The following DIP2C variants were observed in gnomAD, a reference collection of about 807,000 sequenced individuals.
DIP2C encodes the protein disco-interacting protein 2 homolog C.
In DIP2C, 33 loss-of-function variants were observed where a neutral mutation model predicts 192.4. The observed-to-expected ratio is 0.17, with a 90% CI of 0.13 to 0.23. DIP2C has a LOEUF of 0.23. Among genes scored for constraint, DIP2C ranks in the 10% least tolerant of loss-of-function variants. The probability of loss-of-function intolerance (pLI) is 1.00; values close to 1 mark genes in which losing one functional copy is unlikely to be tolerated. For synonymous variants in DIP2C, 979 were observed against 864.1 expected, an observed-to-expected ratio of 1.13 and a Z score of -2.33; for missense variants, 1,537 against 2,110.1, an observed-to-expected ratio of 0.73 and a Z score of 5.32.
At chr10:302,398 T>G (rs1359445358) in intron 32 of DIP2C, among the ~76,000 whole-genome samples, 1 of 152,136 alleles carries the variant, frequency 6.6e-6, no homozygotes, top group Non-Finnish European at 1.5e-5. Context: ...ACCTGTTAAA[T>G]TCATTGCAGC....
chr10:381,198 G>A (rs1312270410), intron 17 of DIP2C, among the ~76,000 whole-genome samples: 1 of 152,058 alleles, frequency 6.6e-6, no homozygotes, highest in Admixed American at 6.5e-5. Context: ...AACTGCAATG[G>A]CCAATTATAC....
At chr10:485,923 C>A (rs566424567) in intron 2 of DIP2C, among the ~76,000 whole-genome samples, 2 of 152,326 alleles carry the variant, frequency 1.3e-5, no homozygotes, top group East Asian at 3.9e-4. Flanking sequence ...GAACCCAGCT[C>A]AAGTGCAGGA....
chr10:683,349 C>T (rs536920441), intron 1 of DIP2C, among the ~76,000 whole-genome samples: 1 of 152,334 alleles, frequency 6.6e-6, no homozygotes, highest in African/African-American at 2.4e-5. Context: ...CCTTAAAGGG[C>T]ACTGTTTATG....
intron 3 of DIP2C, among the ~76,000 whole-genome samples, chr10:471,620 C>T (rs951547486): frequency 3.3e-5 from 5 of 152,196 alleles, no homozygotes; most frequent in African/African-American, 9.7e-5. Flanking sequence ...CACCAGCGAT[C>T]GCCCCTACCC....
rs370165814 is a variant in DIP2C at position 417,998 on chromosome 10, G to A, written c.739+1067C>T. Among the ~76,000 whole-genome samples, 507 of 87,720 alleles carry A rather than the reference G, an allele frequency of 5.8e-3. 19 individuals carry two copies. The highest frequency in any genetic ancestry group is 7.2e-3 in the Non-Finnish European group (305 of 42,154). The allele number at this position is 87,720 out of a possible 152,430, so 57.5% of individuals were successfully genotyped here. On this transcript the variant is annotated intron_variant, in intron 6 of 36. Coordinates refer to ENST00000280886, the MANE Select transcript of DIP2C (RefSeq NM_014974.3). ...CTCGGATAGGCCTCCCTGTCCACCTGCACCTGTCAGGGCGCGGACAGGCCT... is the reference window on the plus strand; with the variant it reads ...CTCGGATAGGCCTCCCTGTCCACCTACACCTGTCAGGGCGCGGACAGGCCT...
At chr10:329,650 GCTC>G (rs746885782) in intron 29 of DIP2C, 49 bp from the exon 30 acceptor site, 7 of 1,567,216 alleles carry the variant, frequency 4.5e-6, no homozygotes, top group African/African-American at 1.4e-5. Flanking sequence ...CAAGGCTGGA[GCTC>G]AGCAAGGCTG....
At chr10:525,568 T>C (rs1847001079) in intron 1 of DIP2C, among the ~76,000 whole-genome samples, 1 of 152,252 alleles carries the variant, frequency 6.6e-6, no homozygotes, top group African/African-American at 2.4e-5. Flanking sequence ...ATTCTGAATA[T>C]GATCTTGGCT....
At chr10:426,260 TAA>T (rs1294774030) in intron 4 of DIP2C, among the ~76,000 whole-genome samples, 2 of 152,092 alleles carry the variant, frequency 1.3e-5, no homozygotes, top group Non-Finnish European at 2.9e-5. Context: ...ATCAAAAACA[TAA>T]AACACTCAGC....
intron 32 of DIP2C, among the ~76,000 whole-genome samples, chr10:293,174 T>G (rs1170523601): frequency 6.6e-6 from 1 of 152,170 alleles, no homozygotes; most frequent in Non-Finnish European, 1.5e-5. Context: ...ACACCACTAC[T>G]CAGCACTGGC....
At chr10:361,876 T>C (rs1026505840) in intron 22 of DIP2C, among the ~76,000 whole-genome samples, 2 of 151,870 alleles carry the variant, frequency 1.3e-5, no homozygotes, top group African/African-American at 2.4e-5. Context: ...TGTGGTGAAA[T>C]GGATACTGTT....
chr10:603,315 A>C (rs1564255302), intron 1 of DIP2C, among the ~76,000 whole-genome samples: 1 of 135,304 alleles, frequency 7.4e-6, no homozygotes, highest in Admixed American at 7.3e-5. Flanking sequence ...AAAAAAAAAA[A>C]AAAAAAAAAA....
chr10:321,548 A>G (rs574222452), intron 31 of DIP2C, among the ~76,000 whole-genome samples: 25 of 128,450 alleles, frequency 1.9e-4, no homozygotes, highest in Non-Finnish European at 2.5e-4. Context: ...CCAGCGAGAG[A>G]CCGGCGCTGT....
chr10:566,571 T>A (rs1205187823), intron 1 of DIP2C, among the ~76,000 whole-genome samples: 1 of 152,232 alleles, frequency 6.6e-6, no homozygotes, highest in Non-Finnish European at 1.5e-5. Flanking sequence ...GAGACAGGTG[T>A]CAGCACCTTT....
chr10:526,445 C>G (rs1847057648), intron 1 of DIP2C, among the ~76,000 whole-genome samples: 1 of 151,788 alleles, frequency 6.6e-6, no homozygotes, highest in African/African-American at 2.4e-5. Context: ...ATTCATACAG[C>G]TGCACAGCTG....
intron 32 of DIP2C, among the ~76,000 whole-genome samples, chr10:299,897 G>T (rs1955937018): frequency 6.6e-6 from 1 of 152,160 alleles, no homozygotes; most frequent in Non-Finnish European, 1.5e-5. Flanking sequence ...CAAATAGCCA[G>T]TGAGCAAGAG....
intron 1 of DIP2C, chr10:665,420 A>G (rs1286276434): frequency 2.0e-5 from 3 of 152,210 alleles, no homozygotes; most frequent in Non-Finnish European, 4.4e-5. Context: ...AAAAAGTTTT[A>G]ATTGTGTGAG....
chr10:418,575 C>T (rs900263960), intron 6 of DIP2C, among the ~76,000 whole-genome samples: 1 of 152,308 alleles, frequency 6.6e-6, no homozygotes, highest in South Asian at 2.1e-4. Flanking sequence ...AAGAAGCCCT[C>T]GGCCACAGCC....
At chr10:353,312 T>G (rs1329516157) in intron 24 of DIP2C, among the ~76,000 whole-genome samples, 1 of 152,212 alleles carries the variant, frequency 6.6e-6, no homozygotes, top group Non-Finnish European at 1.5e-5. Flanking sequence ...AAAGCCAAAC[T>G]AAATTTATAT....
intron 31 of DIP2C, among the ~76,000 whole-genome samples, chr10:313,073 G>A (rs1241910441): frequency 6.6e-6 from 1 of 152,052 alleles, no homozygotes; most frequent in African/African-American, 2.4e-5. Flanking sequence ...GAGATAAAGA[G>A]GTAAGATATA....
Sources: allele counts gnomAD v4.1 joint callset (sites outside exome capture counted in the v4.1 genomes callset), GRCh38; gene constraint gnomAD v4.1.1; transcripts MANE v1.5; gene names NCBI Gene and HGNC (gene_info 2026-07-23, HGNC 2026-07-21).